Variants in POU2F1 observed in about 807,000 individuals in gnomAD.
POU2F1 encodes POU domain, class 2, transcription factor 1.
In POU2F1, 16 loss-of-function variants were observed where a neutral mutation model predicts 84.9. The ratio of observed to expected loss-of-function variants is 0.19; its 90% CI spans 0.13 to 0.29. The LOEUF is 0.29. Among genes scored for constraint, POU2F1 ranks in the 10% least tolerant of loss-of-function variants. POU2F1 has a pLI of 1.00. For synonymous variants in POU2F1, 368 were observed against 368.3 expected (o/e 1.00, Z 0.01); for missense variants, 738 against 942.6 (o/e 0.78, Z 2.84).
intron 1 of POU2F1, among the ~76,000 whole-genome samples, chr1:167,244,433 G>A (rs1211739301): frequency 6.6e-6 from 1 of 152,190 alleles, no homozygotes; most frequent in African/African-American, 2.4e-5. Flanking sequence ...TCCATTCCTT[G>A]CCATGTGGAC....
intron 3 of POU2F1, among the ~76,000 whole-genome samples, chr1:167,366,612 A>G (rs2101832727): frequency 6.6e-6 from 1 of 152,204 alleles, no homozygotes; most frequent in East Asian, 1.9e-4. Flanking sequence ...TATCTGTTAC[A>G]GTGAGGCCTA....
At chr1:167,413,140 T>C (rs1339778860) in intron 15 of POU2F1, 26 bp downstream of exon 15, 4 of 1,554,254 alleles carry the variant, frequency 2.6e-6, no homozygotes, top group Admixed American at 3.4e-5. Context: ...TTTCTTAATT[T>C]GGTGGCATGC....
rs1650255605 is a variant in POU2F1 at position 167,415,697 on chromosome 1, G to A, written c.2188G>A (p.Ala730Thr). 6.2e-7 allele frequency: 1 copy of A among 1,614,014 alleles called. No homozygotes were observed. The highest frequency in any genetic ancestry group is 8.5e-7 in the Non-Finnish European group (1 of 1,180,034). ...ATCTGCAGGGAACTCTGCACCTGTA[G>A]CCAGCCTTCACGCCACCTCCACCTC... ...AASAGNSAPV[A>T]SLHATSTSAE... The change falls in exon 16 of 16, where the codon GCC becomes ACC. Residue 730 changes from alanine (A) to threonine (T), a missense_variant. Around this residue, in one of 4 missense-constraint regions of POU2F1, gnomAD observed 319 missense variants for 386.0 expected, o/e 0.83. Coordinates refer to ENST00000367866, the MANE Select transcript of POU2F1 (RefSeq NM_002697.4).
chr1:167,286,707 T>C (rs1395027035), intron 1 of POU2F1, among the ~76,000 whole-genome samples: 1 of 152,156 alleles, frequency 6.6e-6, no homozygotes, highest in Non-Finnish European at 1.5e-5. Context: ...ACTTATTTTG[T>C]GTAGTGCTAT....
At chr1:167,254,143 A>G (rs1485198054) in intron 1 of POU2F1, among the ~76,000 whole-genome samples, 1 of 152,172 alleles carries the variant, frequency 6.6e-6, no homozygotes, top group Non-Finnish European at 1.5e-5. Flanking sequence ...TGAAGAGGAA[A>G]ACTTTGGATA....
chr1:167,336,075 TATC>T (rs1388151937), intron 2 of POU2F1, among the ~76,000 whole-genome samples: 1 of 152,262 alleles, frequency 6.6e-6, no homozygotes, highest in African/African-American at 2.4e-5. Context: ...GATACTATTT[TATC>T]ATCTATTACC....
chr1:167,232,100 G>A (rs1649107525), intron 1 of POU2F1, among the ~76,000 whole-genome samples: 1 of 152,130 alleles, frequency 6.6e-6, no homozygotes, highest in South Asian at 2.1e-4. Context: ...TGGCCCCTGG[G>A]CCTCAGAGCC....
At chr1:167,294,075 G>A (rs1654113044) in intron 1 of POU2F1, among the ~76,000 whole-genome samples, 3 of 148,890 alleles carry the variant, frequency 2.0e-5, no homozygotes, top group South Asian at 4.3e-4. Context: ...GCTCACGCCT[G>A]TAATCCCAGC....
At chr1:167,313,639 T>TA (rs1420668610) in intron 1 of POU2F1, among the ~76,000 whole-genome samples, 2 of 152,014 alleles carry the variant, frequency 1.3e-5, no homozygotes, top group Middle Eastern at 3.2e-3. Context: ...AAACCTCACA[T>TA]AAAAAAACAA....
rs771360435 is a variant in POU2F1 at position 167,422,398 on chromosome 1, C to CT, written c.*6591dup. The CT allele has an allele frequency of 1.3e-5, 2 of 152,224 alleles. No homozygotes were observed. Among genetic ancestry groups the CT allele is most frequent in the Non-Finnish European group, 2.9e-5 (2 of 68,044 alleles). 9.4% of individuals were successfully genotyped at this position (152,224 alleles called of 1,614,324 possible). A position where few individuals can be genotyped will look rare whatever the true frequency, so the allele number is the denominator to read the frequency against. ...TGAATGTTGTGCTAATAACACAACA[C>CT]TTTAAAACCTTACTTACTTTTCTCA... On this transcript the variant is annotated 3_prime_UTR_variant, in exon 16 of 16. Coordinates refer to ENST00000367866, the MANE Select transcript of POU2F1 (RefSeq NM_002697.4).
At chr1:167,294,644 C>T (rs1182474616) in intron 1 of POU2F1, among the ~76,000 whole-genome samples, 1 of 152,074 alleles carries the variant, frequency 6.6e-6, no homozygotes, top group Non-Finnish European at 1.5e-5. Context: ...ATAAGATATA[C>T]AAGTGGTCGA....
chr1:167,357,272 T>G lies in POU2F1; in HGVS notation c.128-8195T>G, dbSNP rs192337155. Reference sequence around the variant, plus strand: ...GCTTTTAATTTTTCACCATAAACTATGATGTTTATTTATTTTAATGCTTAT... The same window carrying G: ...GCTTTTAATTTTTCACCATAAACTAGGATGTTTATTTATTTTAATGCTTAT... On this transcript the variant is annotated intron_variant, in intron 2 of 15. Coordinates refer to ENST00000367866, the MANE Select transcript of POU2F1 (RefSeq NM_002697.4). Among the ~76,000 whole-genome samples, 558 of 146,930 alleles carry G rather than the reference T, an allele frequency of 3.8e-3. 3 individuals carry two copies. The highest frequency in any genetic ancestry group is 0.015 in the African/African-American group (538 of 36,842).
intron 2 of POU2F1, among the ~76,000 whole-genome samples, chr1:167,353,539 A>G (rs1054996027): frequency 1.3e-5 from 2 of 152,104 alleles, no homozygotes; most frequent in African/African-American, 2.4e-5. Flanking sequence ...TATCAACCTC[A>G]AGTCTTTCCT....
At chr1:167,252,630 G>C (rs576515943) in intron 1 of POU2F1, among the ~76,000 whole-genome samples, 2 of 152,312 alleles carry the variant, frequency 1.3e-5, no homozygotes, top group East Asian at 3.9e-4. Context: ...TAATTATATA[G>C]TTAAGGTGCA....
intron 1 of POU2F1, among the ~76,000 whole-genome samples, chr1:167,257,439 C>G (rs1557850590): frequency 6.6e-6 from 1 of 152,126 alleles, no homozygotes; most frequent in Non-Finnish European, 1.5e-5. Context: ...AATTCTTTCC[C>G]CAGAAATGTC....
intron 1 of POU2F1, among the ~76,000 whole-genome samples, chr1:167,273,888 G>T (rs777152008): frequency 3.9e-5 from 6 of 152,152 alleles, no homozygotes; most frequent in Non-Finnish European, 5.9e-5. Context: ...GTTTGACAAA[G>T]ATATAAAAGC....
Position 167,415,741 on chromosome 1 carries a change from C to G in POU2F1, c.2232C>G (p.Asn744Lys), listed in dbSNP as rs1241755795. The G allele has an allele frequency of 6.2e-7, 1 of 1,614,036 alleles. No homozygotes were observed. Among genetic ancestry groups the G allele is most frequent in the Admixed American group, 1.7e-5 (1 of 59,994 alleles). ...CCACCTCTGCTGAGTCCATCCAGAA[C>G]TCTCTCTTCACAGTGGCCTCTGCCA... is the stretch of plus-strand genomic sequence containing the variant. ...ATSTSAESIQ[N>K]SLFTVASASG... is the part of the protein sequence containing the mutation. The change falls in exon 16 of 16, where the codon AAC (asparagine) becomes AAG (lysine). Residue 744 changes from asparagine to lysine, a missense_variant. By Grantham distance (94) the Asn-to-Lys change is moderately conservative (BLOSUM62 0). Transcript: ENST00000367866.
At chr1:167,230,505 C>A (rs927364875) in intron 1 of POU2F1, among the ~76,000 whole-genome samples, 1 of 152,228 alleles carries the variant, frequency 6.6e-6, no homozygotes, top group African/African-American at 2.4e-5. Context: ...TTTCCTCCTC[C>A]TTTCCACAGT....
At chr1:167,302,673 T>G (rs1024902497) in intron 1 of POU2F1, among the ~76,000 whole-genome samples, 5 of 152,254 alleles carry the variant, frequency 3.3e-5, no homozygotes, top group Non-Finnish European at 1.5e-5. Context: ...AAAAAAGTTA[T>G]GTGGGCCAGT....
Sources: gnomAD v4.1 joint callset for allele counts (sites outside exome capture counted in the v4.1 genomes callset) on GRCh38, gnomAD v4.1.1 for gene constraint, gnomAD v4.1.1 regional missense constraint, MANE v1.5 for transcripts, NCBI Gene and HGNC (gene_info 2026-07-23, HGNC 2026-07-21) for gene names.